Variants in EYS observed in about 807,000 individuals in gnomAD.
The protein encoded by EYS is EGF-like photoreceptor maintenance factor.
EYS carries 250 observed loss-of-function variants against 282.1 expected under a neutral mutation model. That is an observed-to-expected ratio of 0.89 (90% CI 0.80 to 0.98). The LOEUF is 0.98. EYS is among the 50% of genes least tolerant of loss of function. EYS has a pLI of 0.00. For missense variants in EYS, 4,016 were observed against 3,709.0 expected (o/e 1.08, Z -2.15); for synonymous variants, 1,355 against 1,282.9 (o/e 1.06, Z -1.20).
intron 16 of EYS, among the ~76,000 whole-genome samples, chr6:64,911,262 C>G (rs889028318): frequency 2.0e-5 from 3 of 151,516 alleles, no homozygotes; most frequent in Non-Finnish European, 3.0e-5. Flanking sequence ...TCGTTTTTTT[C>G]TTCTCTATCT....
At chr6:63,893,226 G>A (rs1472460485) in intron 35 of EYS, among the ~76,000 whole-genome samples, 1 of 152,122 alleles carries the variant, frequency 6.6e-6, no homozygotes, top group African/African-American at 2.4e-5. Flanking sequence ...CTAATACTGG[G>A]TATATACCCA....
rs1040108004 is a variant in EYS at position 63,810,079 on chromosome 6, T to A, written c.7229-3707A>T. Among the ~76,000 whole-genome samples the A allele has an allele frequency of 5.1e-5, 7 of 136,422 alleles. No homozygotes were observed. The East Asian group carries it at 6.3e-4, about 12-fold the overall frequency. The allele number at this position is 136,422 out of a possible 152,430, so 89.5% of individuals were successfully genotyped here. On this transcript the variant is annotated intron_variant, in intron 36 of 42. Transcript: ENST00000503581. Reference sequence around the variant, plus strand: ...ACACCGTGAAACCCCGCCTCTACTTTAAAAAAAAAAAAAAGAAAAAAGAAA... The same window carrying A: ...ACACCGTGAAACCCCGCCTCTACTTAAAAAAAAAAAAAAAGAAAAAAGAAA...
chr6:64,274,195 A>G (rs1768032033), intron 30 of EYS, among the ~76,000 whole-genome samples: 1 of 152,198 alleles, frequency 6.6e-6, no homozygotes, highest in African/African-American at 2.4e-5. Flanking sequence ...ATTCATTCAT[A>G]GACAGGGTTT....
In EYS at chr6:64,298,452, T is replaced by C. The variant is rs370779536; in HGVS notation, c.6191+8518A>G. ...GAACAGAGCTGTTAAAGGAGTAGAGTTTTTCTTGTTATAAACTCAACTTAG... is the reference window on the plus strand; with the variant it reads ...GAACAGAGCTGTTAAAGGAGTAGAGCTTTTCTTGTTATAAACTCAACTTAG... On this transcript the variant is annotated intron_variant, in intron 30 of 42. Coordinates refer to ENST00000503581, the MANE Select transcript of EYS (RefSeq NM_001142800.2). Among the ~76,000 whole-genome samples the C allele has an allele frequency of 5.3e-5, 8 of 152,170 alleles. No homozygotes were observed. The East Asian group carries it at 1.5e-3, about 29-fold the overall frequency.
intron 12 of EYS, among the ~76,000 whole-genome samples, chr6:65,272,037 C>T (rs1767920429): frequency 6.6e-6 from 1 of 152,194 alleles, no homozygotes; most frequent in African/African-American, 2.4e-5. Flanking sequence ...AGATTGTGTA[C>T]ATGCGCTTAA....
intron 33 of EYS, among the ~76,000 whole-genome samples, chr6:64,018,771 T>TTG (rs1390241445): frequency 0.019 from 2,301 of 118,436 alleles, 166 homozygotes; most frequent in African/African-American, 0.075. Context: ...TTTTTTTTTT[T>TTG]TTTTTTTTTT....
intron 32 of EYS, among the ~76,000 whole-genome samples, chr6:64,075,882 T>C (rs1205676480): frequency 6.6e-6 from 1 of 151,986 alleles, no homozygotes; most frequent in Non-Finnish European, 1.5e-5. Context: ...GTTTAATGAA[T>C]CACATAATTC....
At chr6:65,011,974 AG>A (rs1771887695) in intron 13 of EYS, among the ~76,000 whole-genome samples, 1 of 152,178 alleles carries the variant, frequency 6.6e-6, no homozygotes. Context: ...AGCAAAAAAA[AG>A]AAAGTAGATT....
intron 35 of EYS, among the ~76,000 whole-genome samples, chr6:63,921,722 A>T (rs990379448): frequency 2.1e-4 from 32 of 152,200 alleles, no homozygotes. Context: ...TTTTGAAATC[A>T]ATAGGAACAA....
At chr6:63,974,983 T>A (rs1468889995) in intron 35 of EYS, among the ~76,000 whole-genome samples, 1 of 151,838 alleles carries the variant, frequency 6.6e-6, no homozygotes, top group South Asian at 2.1e-4. Flanking sequence ...AAATATGTGA[T>A]CCACTTTTAT....
intron 26 of EYS, among the ~76,000 whole-genome samples, chr6:64,521,107 C>T (rs1777719662): frequency 6.6e-6 from 1 of 151,718 alleles, no homozygotes; most frequent in South Asian, 2.1e-4. Flanking sequence ...CAACATTTGC[C>T]TTATCTGAAC....
intron 28 of EYS, among the ~76,000 whole-genome samples, chr6:64,392,328 T>G (rs1372693499): frequency 1.3e-5 from 2 of 149,560 alleles, no homozygotes; most frequent in Non-Finnish European, 2.9e-5. Context: ...TATACATTTT[T>G]TTCCAGCATC....
Position 64,346,017 on chromosome 6 carries a change from G to A in EYS, c.6079-38935C>T, listed in dbSNP as rs138562687. Among the ~76,000 whole-genome samples, 583 of 151,926 alleles carry A rather than the reference G, an allele frequency of 3.8e-3. 4 individuals carry two copies. The highest frequency in any genetic ancestry group is 6.4e-3 in the African/African-American group (267 of 41,510). On this transcript the variant is annotated intron_variant, in intron 29 of 42. Transcript: ENST00000503581. ...CCATGATGAGATACCATCTCACACC[G>A]GTTAGAATGGTGATCATTAAAAAGT...
intron 36 of EYS, among the ~76,000 whole-genome samples, chr6:63,823,671 A>G (rs1318143787): frequency 6.6e-6 from 1 of 151,880 alleles, no homozygotes; most frequent in Admixed American, 6.6e-5. Context: ...GTTCTTTTAT[A>G]CTTTATTTAT....
intron 12 of EYS, among the ~76,000 whole-genome samples, chr6:65,076,725 C>T (rs1774064307): frequency 6.6e-6 from 1 of 151,634 alleles, no homozygotes; most frequent in African/African-American, 2.4e-5. Context: ...TATACATTCT[C>T]TCTCCTCCTC....
At chr6:65,024,028 T>A (rs1772325448) in intron 13 of EYS, among the ~76,000 whole-genome samples, 1 of 152,162 alleles carries the variant, frequency 6.6e-6, no homozygotes, top group Non-Finnish European at 1.5e-5. Flanking sequence ...ATAGCCCTCT[T>A]CTTTAAAGCA....
At chr6:65,220,166 T>C (rs1766423875) in intron 12 of EYS, among the ~76,000 whole-genome samples, 1 of 152,142 alleles carries the variant, frequency 6.6e-6, no homozygotes, top group Non-Finnish European at 1.5e-5. Context: ...ATCCTTATTG[T>C]TTACATCAAA....
chr6:65,094,100 G>A (rs1387914798), intron 12 of EYS, among the ~76,000 whole-genome samples: 2 of 151,460 alleles, frequency 1.3e-5, no homozygotes, highest in Admixed American at 6.6e-5. Flanking sequence ...AACATAATAA[G>A]TAATAACTTT....
intron 33 of EYS, among the ~76,000 whole-genome samples, chr6:64,042,515 C>T (rs1038528188): frequency 6.6e-6 from 1 of 152,136 alleles, no homozygotes; most frequent in Non-Finnish European, 1.5e-5. Flanking sequence ...CCACTGTGTT[C>T]GGAAGACTGC....
Sources: gnomAD v4.1 joint callset for allele counts (sites outside exome capture counted in the v4.1 genomes callset) on GRCh38, gnomAD v4.1.1 for gene constraint, MANE v1.5 for transcripts, NCBI Gene and HGNC (gene_info 2026-07-23, HGNC 2026-07-21) for gene names.